The following PTPRM variants were observed in gnomAD, a reference collection of about 807,000 sequenced individuals.
PTPRM encodes protein tyrosine phosphatase receptor type M.
A neutral mutation model predicts 186.7 loss-of-function variants in PTPRM; 47 were observed. That is an observed-to-expected ratio of 0.25 (90% CI 0.20 to 0.32). PTPRM has a LOEUF of 0.32. PTPRM is among the 10% of genes least tolerant of loss of function. The probability of loss-of-function intolerance (pLI) is 1.00; values close to 1 mark genes in which losing one functional copy is unlikely to be tolerated. For synonymous variants in PTPRM, 668 were observed against 674.9 expected, an observed-to-expected ratio of 0.99 and a Z score of 0.16; for missense variants, 1,494 against 1,865.0, an observed-to-expected ratio of 0.80 and a Z score of 3.66.
chr18:8,275,604 AG>A (rs1444519064), intron 19 of PTPRM, among the ~76,000 whole-genome samples: 1 of 152,180 alleles, frequency 6.6e-6, no homozygotes, highest in Non-Finnish European at 1.5e-5. Flanking sequence ...TGCCTGACAT[AG>A]GGCACACGCT....
At chr18:8,257,406 A>G (rs147953355) in intron 19 of PTPRM, among the ~76,000 whole-genome samples, 264 of 152,164 alleles carry the variant, frequency 1.7e-3, no homozygotes, top group African/African-American at 5.9e-3. Context: ...GAGAAGAAAG[A>G]CTCAAATAGC....
chr18:7,956,201 T>C (rs557734079), intron 7 of PTPRM, among the ~76,000 whole-genome samples: 1 of 152,294 alleles, frequency 6.6e-6, no homozygotes, highest in African/African-American at 2.4e-5. Flanking sequence ...TGTGCTGAGA[T>C]GAGGAGATTC....
intron 14 of PTPRM, among the ~76,000 whole-genome samples, chr18:8,170,369 A>C (rs1273950475): frequency 6.6e-6 from 1 of 152,174 alleles, no homozygotes. Flanking sequence ...AGTCAGTTAC[A>C]GTCCTTGCTC....
chr18:8,133,236 A>T (rs2092556862), intron 13 of PTPRM, among the ~76,000 whole-genome samples: 1 of 152,154 alleles, frequency 6.6e-6, no homozygotes, highest in Non-Finnish European at 1.5e-5. Context: ...TTGCAACATG[A>T]ATTTTGCAGA....
chr18:7,775,175 T>G (rs2042519874), intron 2 of PTPRM, among the ~76,000 whole-genome samples: 1 of 152,236 alleles, frequency 6.6e-6, no homozygotes, highest in Admixed American at 6.5e-5. Flanking sequence ...CACTAAGGTT[T>G]AACAGTATGA....
At chr18:7,996,893 C>G (rs1203668460) in intron 7 of PTPRM, among the ~76,000 whole-genome samples, 1 of 150,122 alleles carries the variant, frequency 6.7e-6, no homozygotes, top group Non-Finnish European at 1.5e-5. Context: ...TTGAAAACAC[C>G]AAAAATGAAA....
intron 2 of PTPRM, among the ~76,000 whole-genome samples, chr18:7,796,545 G>A (rs2043660137): frequency 6.6e-6 from 1 of 152,176 alleles, no homozygotes. Context: ...GTACAGCAGT[G>A]TCACCCAAGG....
chr18:7,930,107 C>T (rs1250612308), intron 5 of PTPRM, among the ~76,000 whole-genome samples: 3 of 152,034 alleles, frequency 2.0e-5, no homozygotes, highest in Non-Finnish European at 4.4e-5. Flanking sequence ...CTCACTCTGT[C>T]ACCTAGGCTG....
chr18:8,362,246 G>A (rs2095601557), intron 23 of PTPRM, among the ~76,000 whole-genome samples: 1 of 152,150 alleles, frequency 6.6e-6, no homozygotes, highest in Admixed American at 6.5e-5. Flanking sequence ...TTCGCACCTT[G>A]CACTTAGCAG....
rs1270515242 is a variant in PTPRM, at chr18:8,314,852, A to G, written c.2914A>G (p.Ile972Val). The G allele has an allele frequency of 2.5e-6, 4 of 1,582,992 alleles. No homozygotes were observed. The highest frequency in any genetic ancestry group is 2.7e-5 in the African/African-American group (2 of 74,206). ...TNSDYINGNY[I>V]DGYHRPNHYI... is the part of the protein sequence containing the mutation. The stretch of plus-strand genomic sequence containing the variant: ...CTCAGACTATATCAATGGCAATTAT[A>G]TCGATGTATGTATTTTATTATTTTT... The change falls in exon 21 of 33, where the codon ATC becomes GTC. Residue 972 changes from isoleucine (I) to valine (V), a missense_variant. By Grantham distance (29) the Ile-to-Val change is conservative (BLOSUM62 3). Transcript: ENST00000580170.
At chr18:8,166,367 A>G (rs534114520) in intron 14 of PTPRM, among the ~76,000 whole-genome samples, 84 of 152,158 alleles carry the variant, frequency 5.5e-4, no homozygotes, top group Non-Finnish European at 1.0e-3. Flanking sequence ...CCATGCCCAG[A>G]GCATAGAATT....
chr18:7,656,876 A>T (rs116660230), intron 1 of PTPRM, among the ~76,000 whole-genome samples: 150 of 152,180 alleles, frequency 9.9e-4, no homozygotes, highest in African/African-American at 3.5e-3. Context: ...CAGTAGTAGC[A>T]GCTTTATCTT....
At chr18:8,326,853 A>T (rs1193058010) in intron 22 of PTPRM, among the ~76,000 whole-genome samples, 1 of 152,230 alleles carries the variant, frequency 6.6e-6, no homozygotes, top group East Asian at 1.9e-4. Context: ...ATCCTGGAAT[A>T]TAACCTAAGA....
chr18:8,173,889 C>G (rs748057632), intron 14 of PTPRM, among the ~76,000 whole-genome samples: 34 of 152,204 alleles, frequency 2.2e-4, no homozygotes, highest in Non-Finnish European at 3.8e-4. Flanking sequence ...GCCAACATGG[C>G]AAAACCCCAT....
intron 11 of PTPRM, among the ~76,000 whole-genome samples, chr18:8,106,738 C>T (rs1451924782): frequency 6.6e-6 from 1 of 152,230 alleles, no homozygotes; most frequent in Non-Finnish European, 1.5e-5. Flanking sequence ...GCTGATGTCA[C>T]AACTTGCCTG....
At chr18:8,300,441 A>C (rs954853125) in intron 20 of PTPRM, among the ~76,000 whole-genome samples, 2 of 152,118 alleles carry the variant, frequency 1.3e-5, no homozygotes, top group African/African-American at 4.8e-5. Context: ...CCTGAAAAAA[A>C]ATCTCACTTC....
intron 1 of PTPRM, among the ~76,000 whole-genome samples, chr18:7,715,343 G>A (rs989554544): frequency 5.3e-5 from 8 of 152,162 alleles, no homozygotes; most frequent in African/African-American, 1.4e-4. Context: ...ACTAGGTATT[G>A]ATGGAAAGTA....
intron 7 of PTPRM, among the ~76,000 whole-genome samples, chr18:7,981,467 A>C (rs746763704): frequency 1.3e-5 from 2 of 152,100 alleles, no homozygotes; most frequent in Non-Finnish European, 2.9e-5. Context: ...TCCTCCATGG[A>C]GCCACTTACA....
At chr18:7,955,983 C>A (rs1468336929) in intron 7 of PTPRM, among the ~76,000 whole-genome samples, 1 of 152,128 alleles carries the variant, frequency 6.6e-6, no homozygotes, top group South Asian at 2.1e-4. Context: ...TTGTGCTAAA[C>A]CCATTCCGCA....
Sources: allele counts gnomAD v4.1 joint callset (sites outside exome capture counted in the v4.1 genomes callset), GRCh38; gene constraint gnomAD v4.1.1; transcripts MANE v1.5; gene names NCBI Gene and HGNC (gene_info 2026-07-23, HGNC 2026-07-21).